MRTFA: variants seen among roughly 807,000 people sequenced by gnomAD.
The protein encoded by MRTFA is myocardin-related transcription factor A.
A neutral mutation model predicts 83.5 loss-of-function variants in MRTFA; 20 were observed. That is an observed-to-expected ratio of 0.24 (90% confidence interval 0.17 to 0.35). The LOEUF is 0.35. Ranked by LOEUF, MRTFA falls within the 10% of genes least tolerant of loss-of-function variation. The probability of loss-of-function intolerance (pLI) is 1.00; values close to 1 mark genes in which losing one functional copy is unlikely to be tolerated. For synonymous variants in MRTFA, 659 were observed against 541.2 expected, an observed-to-expected ratio of 1.22 and a Z score of -3.02; for missense variants, 1,200 against 1,224.7, an observed-to-expected ratio of 0.98 and a Z score of 0.30.
At chr22:40,625,971 A>T (rs1472174010) in intron 1 of MRTFA, among the ~76,000 whole-genome samples, 1 of 152,064 alleles carries the variant, frequency 6.6e-6, no homozygotes, top group Non-Finnish European at 1.5e-5. Flanking sequence ...TAAACAATGG[A>T]CAAAAAAGAA....
At chr22:40,529,957 GCATACATA>G (rs2147273977) in intron 3 of MRTFA, among the ~76,000 whole-genome samples, 1 of 152,272 alleles carries the variant, frequency 6.6e-6, no homozygotes, top group East Asian at 1.9e-4. Context: ...GTGTGGGTGT[GCATACATA>G]CATGCACAAG....
intron 4 of MRTFA, among the ~76,000 whole-genome samples, chr22:40,441,883 A>G (rs1022222128): frequency 6.6e-6 from 1 of 151,750 alleles, no homozygotes; most frequent in African/African-American, 2.4e-5. Context: ...ATATATAGCA[A>G]AGGAGGAGCT....
chr22:40,468,476 A>G (rs1391024876), intron 3 of MRTFA, among the ~76,000 whole-genome samples: 3 of 152,146 alleles, frequency 2.0e-5, no homozygotes, highest in Non-Finnish European at 4.4e-5. Flanking sequence ...CCCTCCACAT[A>G]ATCTTTTGCC....
At chr22:40,556,872 T>C (rs2055533387) in intron 2 of MRTFA, among the ~76,000 whole-genome samples, 1 of 152,216 alleles carries the variant, frequency 6.6e-6, no homozygotes, top group Non-Finnish European at 1.5e-5. Flanking sequence ...GACTTCAACT[T>C]TATGACATTC....
At chr22:40,425,610 C>T (rs545809138) in intron 7 of MRTFA, among the ~76,000 whole-genome samples, 11 of 152,336 alleles carry the variant, frequency 7.2e-5, no homozygotes, top group African/African-American at 2.6e-4. Context: ...CTCCTCTGTC[C>T]CCTCATCTGT....
At chr22:40,549,257 G>C (rs2055410818) in intron 3 of MRTFA, among the ~76,000 whole-genome samples, 1 of 152,010 alleles carries the variant, frequency 6.6e-6, no homozygotes, top group Admixed American at 6.6e-5. Context: ...ATCCCAGCGA[G>C]TATACCAAAA....
At chr22:40,579,059 G>T (rs1416775627) in intron 2 of MRTFA, among the ~76,000 whole-genome samples, 1 of 152,190 alleles carries the variant, frequency 6.6e-6, no homozygotes, top group Non-Finnish European at 1.5e-5. Flanking sequence ...GGTGAGCTGT[G>T]ATCATGCCAC....
rs965522785 is a variant in MRTFA, at chr22:40,577,160, C to A, written c.-22+17514G>T. Among the ~76,000 whole-genome samples the A allele has an allele frequency of 2.0e-5, 3 of 148,332 alleles. No individual in the cohort carries two copies. The East Asian group carries it at 6.0e-4, about 30-fold the overall frequency. On this transcript the variant is annotated intron_variant, in intron 2 of 14. Coordinates refer to ENST00000355630, the MANE Select transcript of MRTFA (RefSeq NM_020831.6). ...ATCACTTGAGCCTGGGAGGTCGAGGCTGCAGTGAGCCATGATAGTGACACT... is the reference window on the plus strand; with the variant it reads ...ATCACTTGAGCCTGGGAGGTCGAGGATGCAGTGAGCCATGATAGTGACACT...
At chr22:40,556,946 C>G (rs933743001) in intron 2 of MRTFA, among the ~76,000 whole-genome samples, 2 of 152,150 alleles carry the variant, frequency 1.3e-5, no homozygotes, top group Non-Finnish European at 2.9e-5. Flanking sequence ...AAAACTTCAG[C>G]CCTAGGACTT....
chr22:40,423,407 A>G, intron 9 of MRTFA, 129 bp downstream of exon 9: 1 of 845,920 alleles, frequency 1.2e-6, no homozygotes, highest in Non-Finnish European at 1.7e-6. Flanking sequence ...AACGGGAAGA[A>G]ACTCCCAGAC....
chr22:40,536,222 G>C (rs1011278177), intron 3 of MRTFA, among the ~76,000 whole-genome samples: 3 of 151,826 alleles, frequency 2.0e-5, no homozygotes, highest in African/African-American at 7.3e-5. Flanking sequence ...AGGATCACTT[G>C]GGCCCAGGAG....
At chr22:40,447,688 TG>T (rs1012135331) in intron 4 of MRTFA, among the ~76,000 whole-genome samples, 8 of 152,214 alleles carry the variant, frequency 5.3e-5, no homozygotes, top group African/African-American at 1.9e-4. Context: ...ATGGTCTCCT[TG>T]TTTTCCCCAA....
At chr22:40,511,179 G>A (rs886816983) in intron 3 of MRTFA, among the ~76,000 whole-genome samples, 1 of 152,090 alleles carries the variant, frequency 6.6e-6, no homozygotes, top group African/African-American at 2.4e-5. Context: ...GAAAAATGCT[G>A]ACAATATGAT....
At chr22:40,592,621 T>C (rs1336303201) in intron 2 of MRTFA, among the ~76,000 whole-genome samples, 2 of 151,798 alleles carry the variant, frequency 1.3e-5, no homozygotes, top group Non-Finnish European at 2.9e-5. Flanking sequence ...CTCTAGCAAA[T>C]GGGACTACAG....
At chr22:40,469,514 C>A (rs902260431) in intron 3 of MRTFA, among the ~76,000 whole-genome samples, 1 of 152,142 alleles carries the variant, frequency 6.6e-6, no homozygotes, top group Non-Finnish European at 1.5e-5. Flanking sequence ...GCCAAATAAA[C>A]CTCTTTTCTT....
intron 3 of MRTFA, among the ~76,000 whole-genome samples, chr22:40,536,473 G>A (rs1328339596): frequency 6.9e-6 from 1 of 144,606 alleles, no homozygotes; most frequent in Non-Finnish European, 1.5e-5. Context: ...AGGAGCAGCC[G>A]CCTGCCTTGG....
At chr22:40,465,824 CA>C (rs779333431) in intron 3 of MRTFA, among the ~76,000 whole-genome samples, 9 of 152,208 alleles carry the variant, frequency 5.9e-5, no homozygotes, top group Non-Finnish European at 1.2e-4. Flanking sequence ...CTCAGCCTCC[CA>C]AAAGTGCTGA....
intron 4 of MRTFA, among the ~76,000 whole-genome samples, chr22:40,440,164 A>AG (rs2053248969): frequency 1.3e-5 from 2 of 152,208 alleles, no homozygotes; most frequent in East Asian, 3.9e-4. Flanking sequence ...AAAAAAAAAA[A>AG]AAAAAAAGAA....
At chr22:40,548,632 G>A (rs139230555) in intron 3 of MRTFA, among the ~76,000 whole-genome samples, 85 of 152,126 alleles carry the variant, frequency 5.6e-4, no homozygotes, top group Non-Finnish European at 8.2e-4. Flanking sequence ...AGGCCAAGGC[G>A]GGCGGATCAC....
Sources: gnomAD v4.1 joint callset for allele counts (sites outside exome capture counted in the v4.1 genomes callset) on GRCh38, gnomAD v4.1.1 for gene constraint, MANE v1.5 for transcripts, NCBI Gene and HGNC (gene_info 2026-07-23, HGNC 2026-07-21) for gene names.